The following ADIPOR2 variants were observed in gnomAD, a reference collection of about 807,000 sequenced individuals.
ADIPOR2 encodes adiponectin receptor protein 2.
ADIPOR2 carries 18 observed loss-of-function variants against 40.9 expected under a neutral mutation model. The observed-to-expected ratio is 0.44, with a 90% CI of 0.30 to 0.65. The LOEUF (loss-of-function observed/expected upper bound fraction) is 0.65. Ranked by LOEUF, ADIPOR2 falls within the 30% of genes least tolerant of loss-of-function variation. The probability of loss-of-function intolerance (pLI) is 0.09; values close to 1 mark genes in which losing one functional copy is unlikely to be tolerated. For missense variants in ADIPOR2, 283 were observed against 479.2 expected (o/e 0.59, Z 3.82); for synonymous variants, 165 against 166.4 (o/e 0.99, Z 0.06).
intron 1 of ADIPOR2, among the ~76,000 whole-genome samples, chr12:1,748,482 T>TCA (rs2094761640): frequency 1.3e-5 from 2 of 152,050 alleles, no homozygotes; most frequent in Admixed American, 1.3e-4. Context: ...TCTCCTGACC[T>TCA]TGTGATCTGC....
At chr12:1,780,308 CT>C (rs1862688722) in intron 4 of ADIPOR2, 142 bp from the exon 5 acceptor site, 21 of 862,722 alleles carry the variant, frequency 2.4e-5, no homozygotes. Context: ...TTTGGATAGG[CT>C]TCAGTTATTT....
At chr12:1,721,447 C>T (rs1437398952) in intron 1 of ADIPOR2, among the ~76,000 whole-genome samples, 1 of 152,042 alleles carries the variant, frequency 6.6e-6, no homozygotes, top group African/African-American at 2.4e-5. Flanking sequence ...AATTCCTGAC[C>T]TCAACTGATC....
chr12:1,758,072 C>T (rs1862182276), intron 2 of ADIPOR2: 1 of 599,248 alleles, frequency 1.7e-6, no homozygotes, highest in African/African-American at 1.9e-5. Context: ...CCCACCCAAT[C>T]ACTTTTGTGT....
At chr12:1,730,401 A>ACAT (rs1375719476) in intron 1 of ADIPOR2, among the ~76,000 whole-genome samples, 3 of 150,940 alleles carry the variant, frequency 2.0e-5, no homozygotes, top group Non-Finnish European at 4.4e-5. Flanking sequence ...GTGGATCATG[A>ACAT]GGTCAGGAGA....
At chr12:1,705,500 G>T (rs955113666) in intron 1 of ADIPOR2, among the ~76,000 whole-genome samples, 1 of 152,090 alleles carries the variant, frequency 6.6e-6, no homozygotes, top group Non-Finnish European at 1.5e-5. Context: ...TTTGTTTCAT[G>T]CACACAATTA....
At chr12:1,754,621 G>C (rs979027836) in intron 2 of ADIPOR2, 107 bp downstream of exon 2, 1 of 1,133,784 alleles carries the variant, frequency 8.8e-7, no homozygotes, top group Non-Finnish European at 1.2e-6. Flanking sequence ...AGGGAGGATG[G>C]GGTGGTAAGA....
intron 1 of ADIPOR2, among the ~76,000 whole-genome samples, chr12:1,750,229 A>G (rs1408716877): frequency 6.6e-6 from 1 of 152,114 alleles, no homozygotes; most frequent in Non-Finnish European, 1.5e-5. Context: ...ATTGTTAAAA[A>G]TTTCAGTTTC....
chr12:1,776,081 G>GGGGGCAGGAAGAGTAGGGAA (rs1404829563), intron 3 of ADIPOR2, among the ~76,000 whole-genome samples: 7 of 152,196 alleles, frequency 4.6e-5, no homozygotes, highest in South Asian at 2.1e-4. Flanking sequence ...TTGTATGGCT[G>GGGGGCAGGAAGAGTAGGGAA]GGGGCAGGAA....
intron 1 of ADIPOR2, among the ~76,000 whole-genome samples, chr12:1,738,214 A>C: frequency 6.6e-6 from 1 of 151,148 alleles, no homozygotes; most frequent in East Asian, 1.9e-4. Context: ...CTCTACAAAA[A>C]AAAAAAAAAA....
intron 1 of ADIPOR2, among the ~76,000 whole-genome samples, chr12:1,736,230 T>G (rs1458680929): frequency 6.6e-6 from 1 of 152,128 alleles, no homozygotes; most frequent in Admixed American, 6.6e-5. Context: ...GTCCTGGACT[T>G]TTTTTGGTTG....
chr12:1,713,844 C>T (rs942382945), intron 1 of ADIPOR2, among the ~76,000 whole-genome samples: 5 of 151,916 alleles, frequency 3.3e-5, no homozygotes, highest in African/African-American at 1.2e-4. Context: ...CACTGAGCCT[C>T]GGATGGTAAC....
At chr12:1,770,320 T>G (rs950642954) in intron 2 of ADIPOR2, among the ~76,000 whole-genome samples, 2 of 152,244 alleles carry the variant, frequency 1.3e-5, no homozygotes, top group Middle Eastern at 3.2e-3. Context: ...TAGTATACAT[T>G]AGCCATATTG....
At chr12:1,710,443 G>C (rs150389382) in intron 1 of ADIPOR2, among the ~76,000 whole-genome samples, 1 of 152,096 alleles carries the variant, frequency 6.6e-6, no homozygotes, top group African/African-American at 2.4e-5. Context: ...TGGTGACCCA[G>C]ACGGGACCAT....
At chr12:1,742,886 C>G (rs552290333) in intron 1 of ADIPOR2, among the ~76,000 whole-genome samples, 3 of 152,240 alleles carry the variant, frequency 2.0e-5, no homozygotes, top group Admixed American at 6.5e-5. Context: ...TGATAGCAGC[C>G]TTCTTTTACT....
At chr12:1,693,336 G>T (rs1298016523) in intron 1 of ADIPOR2, among the ~76,000 whole-genome samples, 1 of 151,850 alleles carries the variant, frequency 6.6e-6, no homozygotes, top group Non-Finnish European at 1.5e-5. Context: ...AGTTTGCCGA[G>T]CTCCATTAAA....
intron 1 of ADIPOR2, among the ~76,000 whole-genome samples, chr12:1,718,892 G>A (rs2094692638): frequency 6.6e-6 from 1 of 152,126 alleles, no homozygotes; most frequent in African/African-American, 2.4e-5. Flanking sequence ...TCTACTTAAT[G>A]CTGGGGGAAA....
chr12:1,778,249 GA>G (rs1862640055), intron 4 of ADIPOR2: 1 of 444,098 alleles, frequency 2.3e-6, no homozygotes, highest in South Asian at 3.1e-5. Flanking sequence ...TAGATTTTCA[GA>G]TCTTGTCCTC....
intron 1 of ADIPOR2, among the ~76,000 whole-genome samples, chr12:1,711,016 G>A (rs149572078): frequency 7.9e-5 from 12 of 152,198 alleles, no homozygotes; most frequent in African/African-American, 2.4e-4. Context: ...TTTGAAAGGC[G>A]TTGTCTGATT....
chr12:1,777,305 C>T (rs896268134), intron 3 of ADIPOR2, among the ~76,000 whole-genome samples: 1 of 151,376 alleles, frequency 6.6e-6, no homozygotes, highest in Non-Finnish European at 1.5e-5. Flanking sequence ...TGAAACCACT[C>T]TTTTAGGGCA....
Sources: allele counts gnomAD v4.1 joint callset (sites outside exome capture counted in the v4.1 genomes callset), GRCh38; gene constraint gnomAD v4.1.1; transcripts MANE v1.5; gene names NCBI Gene and HGNC (gene_info 2026-07-23, HGNC 2026-07-21).